TNRC18: variants seen among roughly 807,000 people sequenced by gnomAD.
TNRC18 encodes trinucleotide repeat containing 18.
TNRC18 carries 69 observed loss-of-function variants against 226.7 expected under a neutral mutation model. The observed-to-expected ratio is 0.30, with a 90% CI of 0.25 to 0.37. The LOEUF (loss-of-function observed/expected upper bound fraction) is 0.37, where lower values mean the gene tolerates loss of function less well. Among genes scored for constraint, TNRC18 ranks in the 10% least tolerant of loss-of-function variants. The pLI is 1.00. For synonymous variants in TNRC18, 2,449 were observed against 1,927.6 expected (o/e 1.27, Z -7.09); for missense variants, 4,754 against 4,256.6 (o/e 1.12, Z -3.25).
At chr7:5,348,896 C>T (rs961539044) in intron 17 of TNRC18, among the ~76,000 whole-genome samples, 1 of 150,850 alleles carries the variant, frequency 6.6e-6, no homozygotes, top group African/African-American at 2.4e-5. Context: ...GACTTTTCAA[C>T]AGCGCCTGGG....
chr7:5,402,165 C>T (rs574946623), intron 2 of TNRC18, among the ~76,000 whole-genome samples: 10 of 123,164 alleles, frequency 8.1e-5, no homozygotes, highest in South Asian at 2.5e-4. Context: ...GGCAACACAG[C>T]GAGACTCTGT....
At position 5,420,443 on chromosome 7, in the gene TNRC18, C is replaced by CG. The variant is rs573998825; in HGVS notation, c.187+616dup. The CG allele has an allele frequency of 1.4e-3, 651 of 454,890 alleles. 13 individuals carry two copies. Among genetic ancestry groups the CG allele is most frequent in the Admixed American group, 0.014 (601 of 42,306 alleles). 28.2% of individuals were successfully genotyped at this position (454,890 alleles called of 1,614,324 possible). ...AGGGCCGGGGTCGCCGCCCTCCTAC[C>CG]GGGGTGCAGGTTCCCAGGGCCGCCG... On this transcript the variant is annotated intron_variant, in intron 2 of 29. Transcript: ENST00000430969.
chr7:5,377,325 C>A lies in TNRC18; in HGVS notation c.2461+46G>T. 3.6e-6 allele frequency: 4 copies of A among 1,105,752 alleles called. No homozygotes were observed. Among genetic ancestry groups the A allele is most frequent in the South Asian group, 1.5e-5 (1 of 65,992 alleles). 68.5% of individuals were successfully genotyped at this position (1,105,752 alleles called of 1,614,324 possible). A position where few individuals can be genotyped will look rare whatever the true frequency, so the allele number is the denominator to read the frequency against. On this transcript the variant is annotated intron_variant, in intron 7 of 29. Coordinates refer to ENST00000430969, the MANE Select transcript of TNRC18 (RefSeq NM_001080495.3). The surrounding 1 kb of genome is among the most constrained non-coding windows in gnomAD (Gnocchi z 5.8). ...CTCTTGTCCTGCACCCGCCCCCTCC[C>A]ACCCCTCCCTCAGAGAAGGGGAGAG...
In TNRC18 at chr7:5,371,220, G is replaced by A. The variant is rs1339782157; in HGVS notation, c.3374C>T (p.Ala1125Val). Residue 1125 changes from alanine to valine, a missense_variant, in exon 11 of 30, where the codon GCA becomes GTA. Coordinates refer to ENST00000430969, the MANE Select transcript of TNRC18 (RefSeq NM_001080495.3). The stretch of plus-strand genomic sequence containing the variant: ...GATGGGCTTGTCTTCGGGTGAGAGT[G>A]CCAGGCGCTCGGGCCCATCAGCCGG... ...PLPADGPERL[A>V]LSPEDKPIRL... is the part of the protein sequence containing the mutation. 2 of 1,605,630 alleles carry A rather than the reference G, an allele frequency of 1.2e-6. No individual in the cohort carries two copies. Among genetic ancestry groups the A allele is most frequent in the Non-Finnish European group, 8.5e-7 (1 of 1,174,788 alleles).
At chr7:5,314,936 C>A in intron 26 of TNRC18, 48 bp downstream of exon 26, 1 of 1,550,080 alleles carries the variant, frequency 6.5e-7, no homozygotes, top group Non-Finnish European at 8.7e-7. Flanking sequence ...TTTGGATGCA[C>A]GAAGGAGATC....
rs889698881 is a variant in TNRC18, at chr7:5,374,608, C to T, written c.2800-124G>A. On this transcript the variant is annotated intron_variant, in intron 9 of 29. Coordinates refer to ENST00000430969, the MANE Select transcript of TNRC18 (RefSeq NM_001080495.3). ...AGAACCTCATGCAGGGCCTGGGGTC[C>T]AGGCTGCCCACCCCGTCCCAGGCCA... is the stretch of plus-strand genomic sequence containing the variant. The T allele has an allele frequency of 8.1e-6, 8 of 982,298 alleles. No individual in the cohort carries two copies. In the African/African-American group the frequency reaches 1.2e-4, roughly 15 times the overall value. 60.8% of individuals were successfully genotyped at this position (982,298 alleles called of 1,614,324 possible). A position where few individuals can be genotyped will look rare whatever the true frequency, so the allele number is the denominator to read the frequency against.
In TNRC18 at chr7:5,404,763, A is replaced by AGAGTGT. The variant is rs1554301687; in HGVS notation, c.188-10169_188-10168insACACTC. ...ACCCCAGCAGCGCATGCACACTTTC[A>AGAGTGT]GTGTGTGTGTGTGTGTGTGTGTGTG... On this transcript the variant is annotated intron_variant, in intron 2 of 29. Transcript: ENST00000430969. Among the ~76,000 whole-genome samples, 244 of 147,232 alleles carry AGAGTGT rather than the reference A, an allele frequency of 1.7e-3. 2 individuals carry two copies. The highest frequency in any genetic ancestry group is 5.7e-3 in the African/African-American group (229 of 39,862).
Position 5,377,021 on chromosome 7 carries a change from A to G in TNRC18, c.2462-28T>C, listed in dbSNP as rs1779030333. The G allele has an allele frequency of 6.4e-7, 1 of 1,554,422 alleles. No homozygotes were observed. The highest frequency in any genetic ancestry group is 1.4e-5 in the African/African-American group (1 of 73,160). ...AGGAGGAGAAGCCCAGGCCTGAGTC[A>G]GTGCTGGGAGCCCCCAAGCGGTTTG... is the stretch of plus-strand genomic sequence containing the variant. On this transcript the variant is annotated intron_variant, in intron 7 of 29. Coordinates refer to ENST00000430969, the MANE Select transcript of TNRC18 (RefSeq NM_001080495.3). This position sits in a 1 kb window ranked among gnomAD's most constrained non-coding sequence, Gnocchi z 5.8.
chr7:5,341,718 C>T (rs558693327), intron 18 of TNRC18, among the ~76,000 whole-genome samples: 18 of 144,664 alleles, frequency 1.2e-4, no homozygotes, highest in African/African-American at 2.6e-4. Flanking sequence ...GAGCCAAGAT[C>T]GCACCACCAC....
At chr7:5,420,312 A>T (rs1384816513) in intron 2 of TNRC18, 1 of 449,744 alleles carries the variant, frequency 2.2e-6, no homozygotes, top group East Asian at 7.0e-5. Flanking sequence ...GCCCTGCCCG[A>T]CCCGCTCTCT....
At chr7:5,413,592 C>T (rs1035955412) in intron 2 of TNRC18, among the ~76,000 whole-genome samples, 4 of 152,214 alleles carry the variant, frequency 2.6e-5, no homozygotes, top group Non-Finnish European at 5.9e-5. Flanking sequence ...TGCAGTGGTG[C>T]GACCACAACT....
At chr7:5,325,064 A>T in intron 20 of TNRC18, 32 bp downstream of exon 20, 1 of 1,548,020 alleles carries the variant, frequency 6.5e-7, no homozygotes, top group Non-Finnish European at 8.7e-7. Context: ...TGAGCCCCCC[A>T]CAGCCCCCAA....
In TNRC18 at chr7:5,332,682, G is replaced by T. The variant is rs1212370936; in HGVS notation, c.6087C>A (p.Gly2029=). 3.3e-6 allele frequency: 5 copies of T among 1,529,808 alleles called. No individual in the cohort carries two copies. Among genetic ancestry groups the T allele is most frequent in the Non-Finnish European group, 4.4e-6 (5 of 1,141,508 alleles). The allele number at this position is 1,529,808 out of a possible 1,614,324, so 94.8% of individuals were successfully genotyped here. Reference sequence around the variant, plus strand: ...CGTCCTTGCGCGGGCTCAGGGGGCCGCCCTTGGCGCAGCGGCTGGTCTTGG... The same window carrying T: ...CGTCCTTGCGCGGGCTCAGGGGGCCTCCCTTGGCGCAGCGGCTGGTCTTGG... ...PATKTSRCAK[G]GPLSPRKDAG... The change falls in exon 19 of 30, where the codon GGC becomes GGA. Residue 2029 remains glycine (G), a synonymous_variant. Transcript: ENST00000430969.
intron 5 of TNRC18, among the ~76,000 whole-genome samples, chr7:5,386,204 C>T (rs1403254575): frequency 6.6e-6 from 1 of 151,924 alleles, no homozygotes; most frequent in Non-Finnish European, 1.5e-5. Context: ...AGGAGAATCG[C>T]TTGAACCCAG....
chr7:5,403,103 A>G (rs1410268102), intron 2 of TNRC18, among the ~76,000 whole-genome samples: 2 of 151,910 alleles, frequency 1.3e-5, no homozygotes, highest in Admixed American at 1.3e-4. Flanking sequence ...TGTTAGACAT[A>G]GGTTGCACAT....
At chr7:5,361,505 C>T in intron 14 of TNRC18, 89 bp downstream of exon 14, 1 of 1,395,118 alleles carries the variant, frequency 7.2e-7, no homozygotes, top group African/African-American at 1.5e-5. Flanking sequence ...CGAGGTCCCC[C>T]AGCACCCCGA....
chr7:5,372,063 C>T (rs1794205959), intron 10 of TNRC18, among the ~76,000 whole-genome samples: 1 of 136,872 alleles, frequency 7.3e-6, no homozygotes, highest in African/African-American at 2.8e-5. Flanking sequence ...CCCACCGCGC[C>T]TGGCTAATTT....
chr7:5,316,195 G>C (rs1243996632), intron 24 of TNRC18, 123 bp from the exon 25 acceptor site: 2 of 640,736 alleles, frequency 3.1e-6, no homozygotes, highest in Non-Finnish European at 5.2e-6. Context: ...CAGCAGTGGG[G>C]ACATGGGTGG....
intron 5 of TNRC18, among the ~76,000 whole-genome samples, chr7:5,381,029 C>G (rs545168707): frequency 1.3e-5 from 2 of 151,946 alleles, no homozygotes; most frequent in Non-Finnish European, 2.9e-5. Context: ...TCTGTCCCCC[C>G]GACTGTCCCG....
Sources: allele counts gnomAD v4.1 joint callset (sites outside exome capture counted in the v4.1 genomes callset), GRCh38; gene constraint gnomAD v4.1.1; non-coding constraint Gnocchi (gnomAD v3.1); transcripts MANE v1.5; gene names NCBI Gene and HGNC (gene_info 2026-07-23, HGNC 2026-07-21).